DLC1: variants seen among roughly 807,000 people sequenced by gnomAD.
DLC1 encodes DLC1 Rho GTPase activating protein.
Under a neutral mutation model 140.3 loss-of-function variants are expected in DLC1, and 54 were observed. That is an observed-to-expected ratio of 0.38 (90% CI 0.31 to 0.48). The LOEUF is 0.48. DLC1 is among the 20% of genes least tolerant of loss of function. The pLI is 0.96. For synonymous variants in DLC1, 986 were observed against 728.1 expected (o/e 1.35, Z -5.70); for missense variants, 2,536 against 1,907.0 (o/e 1.33, Z -6.14).
intron 3 of DLC1, among the ~76,000 whole-genome samples, chr8:13,401,061 A>G (rs1246689543): frequency 6.6e-6 from 1 of 152,168 alleles, no homozygotes; most frequent in Non-Finnish European, 1.5e-5. Flanking sequence ...CCATCCATCC[A>G]TTTACTCATG....
chr8:13,580,193 G>A (rs976555944), intron 1 of DLC1, among the ~76,000 whole-genome samples: 1 of 151,720 alleles, frequency 6.6e-6, no homozygotes, highest in Non-Finnish European at 1.5e-5. Context: ...CGCAATCTCG[G>A]CTCACTGCAG....
chr8:13,567,403 G>T lies in DLC1; in HGVS notation c.-126+37134C>A, dbSNP rs1304940675. 6 of 1,551,644 alleles carry T rather than the reference G, an allele frequency of 3.9e-6. No homozygotes were observed. In the African/African-American group the frequency reaches 5.5e-5, roughly 14 times the overall value. On this transcript the variant is annotated intron_variant, in intron 1 of 1. Transcript: ENST00000631382. ...GATAAATTTGATTCATCGTAGAGGG[G>T]ATTCTAAGAAGAAGACGAGCAGCAG... is the stretch of plus-strand genomic sequence containing the variant.
intron 5 of DLC1, among the ~76,000 whole-genome samples, chr8:13,176,396 G>A (rs141712454): frequency 0.02 from 3,065 of 152,242 alleles, 99 homozygotes; most frequent in African/African-American, 0.067. Context: ...GGCTAACACC[G>A]TGAAACCCCG....
intron 5 of DLC1, among the ~76,000 whole-genome samples, chr8:13,238,913 C>A (rs1585980494): frequency 6.6e-6 from 1 of 152,172 alleles, no homozygotes; most frequent in African/African-American, 2.4e-5. Context: ...TGTGCACTGA[C>A]TCTGCCAGAT....
chr8:13,261,041 C>T (rs1830451924), intron 5 of DLC1, among the ~76,000 whole-genome samples: 1 of 152,190 alleles, frequency 6.6e-6, no homozygotes, highest in Non-Finnish European at 1.5e-5. Context: ...ATGTGTCAGG[C>T]ACGTTTCTAA....
chr8:13,106,169 C>T (rs1819547294), intron 7 of DLC1, among the ~76,000 whole-genome samples: 1 of 152,152 alleles, frequency 6.6e-6, no homozygotes, highest in Non-Finnish European at 1.5e-5. Flanking sequence ...GATAAAAGCA[C>T]AGCAGGTGGG....
chr8:13,306,121 A>C (rs2117523969), intron 4 of DLC1, among the ~76,000 whole-genome samples: 1 of 152,268 alleles, frequency 6.6e-6, no homozygotes, highest in Middle Eastern at 3.4e-3. Flanking sequence ...GCCTCTATAA[A>C]GCGTACCAGA....
At chr8:13,159,825 A>G (rs1319724909) in intron 5 of DLC1, among the ~76,000 whole-genome samples, 1 of 149,560 alleles carries the variant, frequency 6.7e-6, no homozygotes, top group African/African-American at 2.5e-5. Context: ...AAGGTAAGGG[A>G]TGGATGGAGG....
At chr8:13,582,476 A>G (rs1805141245) in intron 1 of DLC1, among the ~76,000 whole-genome samples, 1 of 152,070 alleles carries the variant, frequency 6.6e-6, no homozygotes, top group South Asian at 2.1e-4. Flanking sequence ...CTGCCAGCAA[A>G]TATAAAGCAG....
At chr8:13,218,290 G>C (rs992551774) in intron 5 of DLC1, among the ~76,000 whole-genome samples, 1 of 152,026 alleles carries the variant, frequency 6.6e-6, no homozygotes, top group Non-Finnish European at 1.5e-5. Context: ...AAAACTCCTA[G>C]AAGAAAGCAT....
intron 2 of DLC1, among the ~76,000 whole-genome samples, chr8:13,478,818 C>G (rs1396720868): frequency 1.3e-5 from 2 of 152,168 alleles, no homozygotes; most frequent in Non-Finnish European, 2.9e-5. Flanking sequence ...TAATACATAA[C>G]TTTGCTCACT....
chr8:13,577,835 C>T (rs1174857887), intron 1 of DLC1, among the ~76,000 whole-genome samples: 1 of 151,832 alleles, frequency 6.6e-6, no homozygotes, highest in East Asian at 1.9e-4. Flanking sequence ...TGGAGAGTAT[C>T]AAATTATTAT....
chr8:13,566,946 C>T, intron 1 of DLC1: 2 of 1,495,320 alleles, frequency 1.3e-6, no homozygotes, highest in Non-Finnish European at 1.8e-6. Flanking sequence ...CTGAGCCAGT[C>T]TTAACCTGGG....
chr8:13,362,977 C>T (rs1277467182), intron 4 of DLC1, among the ~76,000 whole-genome samples: 4 of 152,160 alleles, frequency 2.6e-5, no homozygotes, highest in Non-Finnish European at 5.9e-5. Context: ...TCTTTCTATT[C>T]CCTTATCACA....
At chr8:13,238,301 A>G (rs1284470457) in intron 5 of DLC1, among the ~76,000 whole-genome samples, 1 of 152,172 alleles carries the variant, frequency 6.6e-6, no homozygotes, top group Non-Finnish European at 1.5e-5. Context: ...CTTCCTCTTC[A>G]AATGTTCAAG....
intron 4 of DLC1, among the ~76,000 whole-genome samples, chr8:13,351,466 C>A (rs916236727): frequency 6.6e-6 from 1 of 152,230 alleles, no homozygotes; most frequent in South Asian, 2.1e-4. Context: ...TCTGCCATTT[C>A]CCCAGTTTTG....
At chr8:13,508,506 C>T (rs1013639412) in intron 1 of DLC1, among the ~76,000 whole-genome samples, 1 of 151,416 alleles carries the variant, frequency 6.6e-6, no homozygotes, top group Non-Finnish European at 1.5e-5. Flanking sequence ...CAAGCTCTGC[C>T]TCCCGAGTTC....
At chr8:13,432,850 G>A (rs1382267758) in intron 2 of DLC1, among the ~76,000 whole-genome samples, 2 of 151,710 alleles carry the variant, frequency 1.3e-5, no homozygotes, top group Non-Finnish European at 2.9e-5. Flanking sequence ...GAGCTGGCCT[G>A]AGAAGGGAAA....
chr8:13,426,618 T>C lies in DLC1; in HGVS notation c.1024-24999A>G, dbSNP rs552324974. 6.8e-4 allele frequency among the ~76,000 whole-genome samples: 103 copies of C among 152,294 alleles called. No individual in the cohort carries two copies. The Middle Eastern group carries it at 0.01, about 15-fold the overall frequency. On this transcript the variant is annotated intron_variant, in intron 2 of 17. Coordinates refer to ENST00000276297, the MANE Select transcript of DLC1 (RefSeq NM_182643.3). ...AAGTGAGAATTGACACCATCAAAAG[T>C]GTCCTCGTCTTTAAGCAAATATGAC...
Sources: allele counts gnomAD v4.1 joint callset (sites outside exome capture counted in the v4.1 genomes callset), GRCh38; gene constraint gnomAD v4.1.1; transcripts MANE v1.5; gene names NCBI Gene and HGNC (gene_info 2026-07-23, HGNC 2026-07-21).